IL5RA: variants seen among roughly 807,000 people sequenced by gnomAD.
The protein encoded by IL5RA is interleukin-5 receptor subunit alpha.
In IL5RA, 49 loss-of-function variants were observed where a neutral mutation model predicts 50.0. That is an observed-to-expected ratio of 0.98 (90% CI 0.78 to 1.24). IL5RA has a LOEUF of 1.24. Among genes scored for constraint, IL5RA ranks in the 50% most tolerant of loss-of-function variants. IL5RA has a pLI of 0.00. For synonymous variants in IL5RA, 202 were observed against 174.0 expected, an observed-to-expected ratio of 1.16 and a Z score of -1.26; for missense variants, 600 against 500.4, an observed-to-expected ratio of 1.20 and a Z score of -1.90.
intron 11 of IL5RA, 151 bp downstream of exon 11, chr3:3,074,631 A>C (rs1433361011): frequency 1.8e-6 from 1 of 568,388 alleles, no homozygotes; most frequent in Non-Finnish European, 3.1e-6. Context: ...TGAATCAGCC[A>C]AAGAACAGAA....
intron 9 of IL5RA, among the ~76,000 whole-genome samples, chr3:3,084,974 C>T (rs759565086): frequency 8.5e-5 from 13 of 152,252 alleles, no homozygotes; most frequent in Admixed American, 1.3e-4. Flanking sequence ...GAGGTGGCTG[C>T]GCCTGAAAGC....
rs1703307510 is a variant in IL5RA, at chr3:3,095,328, T to G, written c.826A>C (p.Ile276Leu). 1.2e-6 allele frequency: 2 copies of G among 1,604,226 alleles called. No homozygotes were observed. The highest frequency in any genetic ancestry group is 1.7e-6 in the Non-Finnish European group (2 of 1,171,742). ...PIHCFDYEVK[I>L]HNTRNGYLQI... is the part of the protein sequence containing the mutation. ...AAATATCCATTCCTTGTATTGTGTATTTTTACTTCATAATCAAAGCAATGG... is the reference window on the plus strand; with the variant it reads ...AAATATCCATTCCTTGTATTGTGTAGTTTTACTTCATAATCAAAGCAATGG... The change falls in exon 8 of 12, where the codon ATA (isoleucine) becomes CTA (leucine). Residue 276 changes from isoleucine (I) to leucine (L), a missense_variant. Transcript: ENST00000446632.
In IL5RA at chr3:3,101,801, A is replaced by C. The variant is rs1370696515; in HGVS notation, c.258T>G (p.Cys86Trp). The change falls in exon 5 of 12, where the codon TGT (cysteine) becomes TGG (tryptophan). Residue 86 changes from cysteine (C) to tryptophan (W), a missense_variant. Cys to Trp is a radical substitution (Grantham distance 215). Transcript: ENST00000446632. ...DYETRITESKCVTILHKGFSA... is the reference protein window; with the variant it reads ...DYETRITESKWVTILHKGFSA... ...AAAAGCCTTTGTGGAGGATGGTTAC[A>C]CATTTGCTTTCAGTGATTCTGGTTT... 3.7e-6 allele frequency: 6 copies of C among 1,614,068 alleles called. No individual in the cohort carries two copies. The highest frequency in any genetic ancestry group is 5.1e-6 in the Non-Finnish European group (6 of 1,179,982).
At chr3:3,095,218 T>C in intron 8 of IL5RA, 81 bp downstream of exon 8, 1 of 1,081,292 alleles carries the variant, frequency 9.2e-7, no homozygotes, top group South Asian at 1.5e-5. Flanking sequence ...TGTAACTTGG[T>C]TGCAGTCACT....
rs17885428 is a variant in IL5RA at position 3,070,881 on chromosome 3, G to A, written c.1177-570C>T. On this transcript the variant is annotated intron_variant, in intron 11 of 11. Coordinates refer to ENST00000446632, the MANE Select transcript of IL5RA (RefSeq NM_175726.4). ...CAGGCATGAGCCACCACGCCCGGCCGGATACACATCTTTAAAAATTGATTT... is the reference window on the plus strand; with the variant it reads ...CAGGCATGAGCCACCACGCCCGGCCAGATACACATCTTTAAAAATTGATTT... Among the ~76,000 whole-genome samples the A allele has an allele frequency of 7.7e-3, 1,164 of 151,960 alleles. 8 individuals carry two copies. The highest frequency in any genetic ancestry group is 0.013 in the Non-Finnish European group (885 of 67,950).
At chr3:3,093,172 G>A (rs763286265) in intron 8 of IL5RA, among the ~76,000 whole-genome samples, 3 of 152,242 alleles carry the variant, frequency 2.0e-5, no homozygotes, top group East Asian at 3.9e-4. Context: ...GAGCCACTCT[G>A]GGAGAAATCA....
chr3:3,102,260 C>A (rs1193811222), intron 4 of IL5RA, among the ~76,000 whole-genome samples: 1 of 152,196 alleles, frequency 6.6e-6, no homozygotes, highest in African/African-American at 2.4e-5. Context: ...TGACTTGTCC[C>A]AGGTTGCAAA....
At chr3:3,090,641 A>G (rs17885231) in intron 9 of IL5RA, among the ~76,000 whole-genome samples, 179 of 137,758 alleles carry the variant, frequency 1.3e-3, no homozygotes, top group African/African-American at 4.9e-3. Context: ...ATCTCGGCTC[A>G]CTGCAAGCTC....
At chr3:3,107,401 A>ACAACAACAG (rs1703977508) in intron 2 of IL5RA, among the ~76,000 whole-genome samples, 1 of 151,534 alleles carries the variant, frequency 6.6e-6, no homozygotes, top group South Asian at 2.1e-4. Context: ...AACAACAGCA[A>ACAACAACAG]CAACAAATCT....
At chr3:3,087,021 C>G (rs1394736499) in intron 9 of IL5RA, among the ~76,000 whole-genome samples, 1 of 152,020 alleles carries the variant, frequency 6.6e-6, no homozygotes, top group Non-Finnish European at 1.5e-5. Context: ...TTTGGGTACA[C>G]AGAGGCATAC....
At chr3:3,103,734 A>G (rs1350017638) in intron 3 of IL5RA, among the ~76,000 whole-genome samples, 5 of 152,228 alleles carry the variant, frequency 3.3e-5, no homozygotes, top group South Asian at 2.1e-4. Context: ...AAGAAAATAA[A>G]TTTTTTAAAA....
rs142268561 is a variant in IL5RA, at chr3:3,090,629, C to T, written c.994+1595G>A. Among the ~76,000 whole-genome samples the T allele has an allele frequency of 3.5e-3, 486 of 138,382 alleles. 1 individual carries two copies. The highest frequency in any genetic ancestry group is 0.013 in the African/African-American group (457 of 34,652). 90.8% of individuals were successfully genotyped at this position (138,382 alleles called of 152,430 possible). Reference sequence around the variant, plus strand: ...TTGCCCGGGCTGGAGTGCAGTGGTGCGATCTCGGCTCACTGCAAGCTCCGC... The same window carrying T: ...TTGCCCGGGCTGGAGTGCAGTGGTGTGATCTCGGCTCACTGCAAGCTCCGC... On this transcript the variant is annotated intron_variant, in intron 9 of 11. Transcript: ENST00000446632.
At chr3:3,088,428 A>G (rs1482785463) in intron 9 of IL5RA, among the ~76,000 whole-genome samples, 1 of 152,174 alleles carries the variant, frequency 6.6e-6, no homozygotes, top group African/African-American at 2.4e-5. Context: ...GGAGATCACG[A>G]TTCCTTCTGA....
rs781603685 is a variant in IL5RA at position 3,070,216 on chromosome 3, A to C, written c.*9T>G. 2 of 1,591,440 alleles carry C rather than the reference A, an allele frequency of 1.3e-6. No individual in the cohort carries two copies. The highest frequency in any genetic ancestry group is 1.7e-6 in the Non-Finnish European group (2 of 1,160,466). On this transcript the variant is annotated 3_prime_UTR_variant, in exon 12 of 12. Coordinates refer to ENST00000446632, the MANE Select transcript of IL5RA (RefSeq NM_175726.4). ...TGTGTGAGTTCATCAGAGGATGCCA[A>C]AGTGACAGTCAAAACACAGAATCCT...
At chr3:3,082,004 G>A (rs1702681854) in intron 9 of IL5RA, among the ~76,000 whole-genome samples, 1 of 152,124 alleles carries the variant, frequency 6.6e-6, no homozygotes, top group South Asian at 2.1e-4. Flanking sequence ...GCAAGCAAAA[G>A]ATTTCACATA....
rs907622655 is a variant in IL5RA, at chr3:3,108,576, G to A, written c.-30C>T. 1.3e-5 allele frequency: 2 copies of A among 152,136 alleles called. No homozygotes were observed. Among genetic ancestry groups the A allele is most frequent in the South Asian group, 2.1e-4 (1 of 4,834 alleles). 9.4% of individuals were successfully genotyped at this position (152,136 alleles called of 1,614,324 possible). ...TGTCTACAGACGATCCTCTTGTTCC[G>A]ACCAGTACTCAACAGAAGATGGCGA... On this transcript the variant is annotated 5_prime_UTR_variant, in exon 2 of 12. Coordinates refer to ENST00000446632, the MANE Select transcript of IL5RA (RefSeq NM_175726.4).
intron 9 of IL5RA, among the ~76,000 whole-genome samples, chr3:3,082,753 C>CT (rs1559864803): frequency 6.6e-6 from 1 of 152,200 alleles, no homozygotes; most frequent in East Asian, 1.9e-4. Context: ...TGTCAAGCCA[C>CT]TTCCCTTTTA....
intron 8 of IL5RA, among the ~76,000 whole-genome samples, chr3:3,093,484 G>C (rs9839576): frequency 2.0e-5 from 3 of 152,036 alleles, no homozygotes; most frequent in African/African-American, 7.2e-5. Context: ...TTTTCTAGCA[G>C]ATCATTTTTA....
chr3:3,075,618 T>G (rs1250754718), intron 10 of IL5RA, among the ~76,000 whole-genome samples: 1 of 151,352 alleles, frequency 6.6e-6, no homozygotes, highest in African/African-American at 2.4e-5. Flanking sequence ...TTTTTTTTTT[T>G]GAGACACAGT....
Sources: allele counts gnomAD v4.1 joint callset (sites outside exome capture counted in the v4.1 genomes callset), GRCh38; gene constraint gnomAD v4.1.1; transcripts MANE v1.5; gene names NCBI Gene and HGNC (gene_info 2026-07-23, HGNC 2026-07-21).